Variants in WDPCP observed in about 807,000 individuals in gnomAD.
The protein encoded by WDPCP is WD repeat containing planar cell polarity effector.
A neutral mutation model predicts 93.1 loss-of-function variants in WDPCP; 71 were observed. The ratio of observed to expected loss-of-function variants is 0.76; its 90% CI spans 0.63 to 0.93. The LOEUF (loss-of-function observed/expected upper bound fraction) is 0.93, where lower values mean the gene tolerates loss of function less well. Among genes scored for constraint, WDPCP ranks in the 40% least tolerant of loss-of-function variants. The pLI, the probability that WDPCP is intolerant of heterozygous loss-of-function variation, is 0.00. For missense variants in WDPCP, 844 were observed against 887.4 expected, an observed-to-expected ratio of 0.95 and a Z score of 0.62; for synonymous variants, 315 against 315.0, an observed-to-expected ratio of 1.00 and a Z score of 0.00.
At chr2:63,357,654 G>A (rs1225257617) in intron 12 of WDPCP, among the ~76,000 whole-genome samples, 1 of 152,136 alleles carries the variant, frequency 6.6e-6, no homozygotes, top group Non-Finnish European at 1.5e-5. Flanking sequence ...ATACACTGGG[G>A]GCAGGAGTGT....
chr2:63,177,262 T>A (rs1204254765), intron 14 of WDPCP, among the ~76,000 whole-genome samples: 2 of 152,196 alleles, frequency 1.3e-5, no homozygotes, highest in Non-Finnish European at 2.9e-5. Context: ...TTTAAATGGA[T>A]TTTTCTATAT....
chr2:63,174,550 G>C, intron 15 of WDPCP, 120 bp downstream of exon 15: 1 of 1,367,922 alleles, frequency 7.3e-7, no homozygotes, highest in South Asian at 1.2e-5. Context: ...TCTGAGCCAT[G>C]AGAAATGCAA....
rs1709372232 is a variant in WDPCP at position 63,599,049 on chromosome 2, G to A, written n.488+51610C>T. On this transcript the variant is annotated intron_variant and non_coding_transcript_variant, in intron 3 of 4. Transcript: ENST00000467687. The stretch of plus-strand genomic sequence containing the variant: ...CATTTTCCTATGCTATATTGTATTT[G>A]GTGTTTCCCAAGCCTCCCCTGTACA... 4 of 796,428 alleles carry A rather than the reference G, an allele frequency of 5.0e-6. No individual in the cohort carries two copies. In the East Asian group the frequency reaches 8.6e-5, roughly 17 times the overall value. The allele number at this position is 796,428 out of a possible 1,614,324, so 49.3% of individuals were successfully genotyped here.
At chr2:63,755,872 T>C (rs947797184) in intron 2 of WDPCP, among the ~76,000 whole-genome samples, 1 of 152,214 alleles carries the variant, frequency 6.6e-6, no homozygotes, top group African/African-American at 2.4e-5. Context: ...TGCAAAATAT[T>C]CTATCCCTTC....
chr2:63,587,296 C>A (rs1169457232), intron 1 of WDPCP, among the ~76,000 whole-genome samples: 1 of 151,848 alleles, frequency 6.6e-6, no homozygotes, highest in African/African-American at 2.4e-5. Flanking sequence ...TAAGAGATCA[C>A]AACTAAAAAA....
intron 14 of WDPCP, among the ~76,000 whole-genome samples, chr2:63,189,576 A>G: frequency 6.6e-6 from 1 of 152,250 alleles, no homozygotes; most frequent in East Asian, 1.9e-4. Context: ...AGATCTACAT[A>G]GATATATATA....
At chr2:63,244,046 C>A (rs1181653331) in intron 14 of WDPCP, among the ~76,000 whole-genome samples, 1 of 151,882 alleles carries the variant, frequency 6.6e-6, no homozygotes, top group African/African-American at 2.4e-5. Context: ...TCTTAGACCA[C>A]AGTGCAATAA....
At chr2:63,823,262 C>T (rs1671051940) in intron 1 of WDPCP, among the ~76,000 whole-genome samples, 1 of 150,900 alleles carries the variant, frequency 6.6e-6, no homozygotes, top group South Asian at 2.1e-4. Flanking sequence ...AATCCCAGCA[C>T]TTTGGGAGGC....
chr2:63,343,211 T>A (rs1432925317), intron 12 of WDPCP, among the ~76,000 whole-genome samples: 2 of 152,142 alleles, frequency 1.3e-5, no homozygotes, highest in Admixed American at 6.6e-5. Flanking sequence ...TTTTGCCATG[T>A]TGGCCAGGCT....
chr2:63,716,112 G>A (rs1669333761), intron 2 of WDPCP, among the ~76,000 whole-genome samples: 1 of 152,230 alleles, frequency 6.6e-6, no homozygotes, highest in African/African-American at 2.4e-5. Context: ...TTAAGACTCA[G>A]GTTAGTAAGC....
At chr2:63,356,732 C>T (rs972897427) in intron 12 of WDPCP, among the ~76,000 whole-genome samples, 2 of 152,076 alleles carry the variant, frequency 1.3e-5, no homozygotes, top group Non-Finnish European at 2.9e-5. Context: ...ATAATAAGAA[C>T]AAAGATACAG....
At chr2:63,406,997 G>A (rs1001691250) in intron 9 of WDPCP, among the ~76,000 whole-genome samples, 4 of 152,092 alleles carry the variant, frequency 2.6e-5, no homozygotes, top group African/African-American at 9.7e-5. Flanking sequence ...GCCGTTATTT[G>A]GGGGTAGCAC....
intron 6 of WDPCP, among the ~76,000 whole-genome samples, chr2:63,477,337 A>T (rs1700027713): frequency 6.6e-6 from 1 of 152,194 alleles, no homozygotes; most frequent in South Asian, 2.1e-4. Context: ...GACAAAAAAA[A>T]TGTGAGAAAT....
At chr2:63,808,719 T>C (rs976614140) in intron 2 of WDPCP, among the ~76,000 whole-genome samples, 6 of 152,174 alleles carry the variant, frequency 3.9e-5, no homozygotes, top group African/African-American at 1.4e-4. Context: ...CCGCCTGCCT[T>C]GGCCTCCCAA....
intron 3 of WDPCP, among the ~76,000 whole-genome samples, chr2:63,619,733 G>C (rs1031226082): frequency 6.6e-6 from 1 of 152,234 alleles, no homozygotes; most frequent in African/African-American, 2.4e-5. Flanking sequence ...TGGCTGGCAA[G>C]ATGGCCAAAT....
Position 63,128,377 on chromosome 2 carries a change from T to C in WDPCP, c.2191-6321A>G, listed in dbSNP as rs553322597. On this transcript the variant is annotated intron_variant, in intron 17 of 17. Transcript: ENST00000272321. ...AGATAATTAAAACTTTTTCCTTCCG[T>C]TTCTGTCTTTACCACAAATTTTTTC... is the stretch of plus-strand genomic sequence containing the variant. Among the ~76,000 whole-genome samples, 10 of 152,246 alleles carry C rather than the reference T, an allele frequency of 6.6e-5. No individual in the cohort carries two copies. The East Asian group carries it at 1.9e-3, about 29-fold the overall frequency.
Position 63,575,774 on chromosome 2 carries a change from C to T in WDPCP, c.75+12423G>A, listed in dbSNP as rs371546994. Among the ~76,000 whole-genome samples, 7 of 151,166 alleles carry T rather than the reference C, an allele frequency of 4.6e-5. No individual in the cohort carries two copies. In the East Asian group the frequency reaches 7.8e-4, roughly 17 times the overall value. On this transcript the variant is annotated intron_variant, in intron 1 of 17. Transcript: ENST00000272321. ...TTCAGCATATACAAACACATGTGTG[C>T]GTATGTATATAATAGACAATATAGA...
intron 1 of WDPCP, among the ~76,000 whole-genome samples, chr2:63,500,538 C>T (rs1423376060): frequency 6.6e-6 from 1 of 150,732 alleles, no homozygotes; most frequent in Non-Finnish European, 1.5e-5. Flanking sequence ...GCAGAGATGA[C>T]CTCAATATGA....
At chr2:63,309,581 C>G (rs1399797972) in intron 13 of WDPCP, among the ~76,000 whole-genome samples, 1 of 152,116 alleles carries the variant, frequency 6.6e-6, no homozygotes, top group Non-Finnish European at 1.5e-5. Context: ...GCTAGAAAAC[C>G]AGACAGAAGG....
Sources: allele counts gnomAD v4.1 joint callset (sites outside exome capture counted in the v4.1 genomes callset), GRCh38; gene constraint gnomAD v4.1.1; transcripts MANE v1.5; gene names NCBI Gene and HGNC (gene_info 2026-07-23, HGNC 2026-07-21).